KCNH1: variants seen among roughly 807,000 people sequenced by gnomAD.
The protein encoded by KCNH1 is potassium voltage-gated channel subfamily H member 1.
KCNH1 carries 27 observed loss-of-function variants against 69.2 expected under a neutral mutation model. The ratio of observed to expected loss-of-function variants is 0.39; its 90% CI spans 0.29 to 0.54. The LOEUF is 0.54. Among genes scored for constraint, KCNH1 ranks in the 20% least tolerant of loss-of-function variants. The pLI is 0.68. For synonymous variants in KCNH1, 456 were observed against 487.7 expected (o/e 0.93, Z 0.86); for missense variants, 798 against 1,261.6 (o/e 0.63, Z 5.57).
chr1:210,792,941 C>G (rs984962459), intron 9 of KCNH1, among the ~76,000 whole-genome samples: 2 of 152,140 alleles, frequency 1.3e-5, no homozygotes, highest in Non-Finnish European at 2.9e-5. Context: ...ACCAAGATAA[C>G]TACTTATATG....
At chr1:211,042,470 C>A in intron 5 of KCNH1, among the ~76,000 whole-genome samples, 1 of 152,230 alleles carries the variant, frequency 6.6e-6, no homozygotes, top group East Asian at 1.9e-4. Flanking sequence ...ATTTATAAAA[C>A]AATTAGTACT....
chr1:210,999,694 T>C (rs1467099651), intron 6 of KCNH1, among the ~76,000 whole-genome samples: 5 of 152,172 alleles, frequency 3.3e-5, no homozygotes, highest in African/African-American at 1.2e-4. Flanking sequence ...TACCAAAGCC[T>C]GGCAGAGACA....
chr1:211,078,389 T>C (rs1690777109), intron 5 of KCNH1, among the ~76,000 whole-genome samples: 1 of 152,118 alleles, frequency 6.6e-6, no homozygotes, highest in Non-Finnish European at 1.5e-5. Context: ...CCTCAGCAAA[T>C]GTAAAGAACA....
intron 6 of KCNH1, among the ~76,000 whole-genome samples, chr1:210,996,130 G>C (rs1689030496): frequency 6.6e-6 from 1 of 152,178 alleles, no homozygotes; most frequent in Non-Finnish European, 1.5e-5. Context: ...GTGCCAGACA[G>C]TGGGTGCAGA....
At chr1:210,756,945 A>G (rs1276350961) in intron 10 of KCNH1, among the ~76,000 whole-genome samples, 1 of 152,218 alleles carries the variant, frequency 6.6e-6, no homozygotes, top group East Asian at 1.9e-4. Flanking sequence ...CTCTCTTCCT[A>G]GGTTCTTACT....
chr1:210,714,316 T>G (rs1245069700), intron 10 of KCNH1, among the ~76,000 whole-genome samples: 1 of 152,194 alleles, frequency 6.6e-6, no homozygotes, highest in African/African-American at 2.4e-5. Context: ...AAAACATCAA[T>G]GTTTCGAGGT....
intron 9 of KCNH1, among the ~76,000 whole-genome samples, chr1:210,788,685 CTTTTTTTTTTT>C (rs139485350): frequency 1.4e-4 from 11 of 80,712 alleles, no homozygotes; most frequent in African/African-American, 4.0e-4. Context: ...TAGCTTCTTT[CTTTTTTTTTTT>C]TTTTTTTTTT....
intron 10 of KCNH1, among the ~76,000 whole-genome samples, chr1:210,772,734 A>G (rs1683776348): frequency 6.6e-6 from 1 of 152,170 alleles, no homozygotes. Context: ...CAAATTTGAT[A>G]CACTCAAAGC....
intron 8 of KCNH1, among the ~76,000 whole-genome samples, chr1:210,800,450 C>T (rs1684405460): frequency 6.6e-6 from 1 of 152,162 alleles, no homozygotes; most frequent in Non-Finnish European, 1.5e-5. Context: ...TTACTCTTCC[C>T]CTGGAAGAGG....
At chr1:210,847,966 G>A (rs1341998759) in intron 7 of KCNH1, among the ~76,000 whole-genome samples, 1 of 152,104 alleles carries the variant, frequency 6.6e-6, no homozygotes, top group Non-Finnish European at 1.5e-5. Context: ...ATCCTGGAAG[G>A]CAACTGTCGT....
At chr1:211,002,324 ATATG>A (rs1454816720) in intron 6 of KCNH1, among the ~76,000 whole-genome samples, 9 of 107,286 alleles carry the variant, frequency 8.4e-5, no homozygotes, top group South Asian at 2.8e-4. Flanking sequence ...GTGTATATAT[ATATG>A]TGTGTGTGTG....
chr1:210,806,830 A>AT (rs1684583203), intron 7 of KCNH1, among the ~76,000 whole-genome samples: 2 of 56,012 alleles, frequency 3.6e-5, no homozygotes, highest in Non-Finnish European at 7.7e-5. Flanking sequence ...AAAAAAAAAA[A>AT]AAAAAAATAT....
intron 6 of KCNH1, among the ~76,000 whole-genome samples, chr1:210,925,194 C>T (rs1052239492): frequency 6.6e-6 from 1 of 152,140 alleles, no homozygotes; most frequent in Admixed American, 6.5e-5. Context: ...AAAAGGAATT[C>T]AAAACAACGC....
At chr1:210,819,343 G>A (rs985221719) in intron 7 of KCNH1, among the ~76,000 whole-genome samples, 1 of 152,050 alleles carries the variant, frequency 6.6e-6, no homozygotes, top group Admixed American at 6.6e-5. Context: ...AGAAAAAGGT[G>A]ATTTTAAGCC....
intron 7 of KCNH1, among the ~76,000 whole-genome samples, chr1:210,822,722 C>T (rs1487690046): frequency 6.6e-6 from 1 of 152,144 alleles, no homozygotes; most frequent in African/African-American, 2.4e-5. Context: ...CATAAAAACT[C>T]TCATCTGCCC....
chr1:210,758,091 A>T (rs1187913677), intron 10 of KCNH1, among the ~76,000 whole-genome samples: 1 of 151,914 alleles, frequency 6.6e-6, no homozygotes, highest in Non-Finnish European at 1.5e-5. Flanking sequence ...AGAAGACCAC[A>T]CTCCCCACAG....
intron 2 of KCNH1, among the ~76,000 whole-genome samples, chr1:211,104,619 G>C (rs1353794423): frequency 4.6e-5 from 7 of 152,134 alleles, no homozygotes; most frequent in African/African-American, 1.7e-4. Flanking sequence ...CAAAATGCCA[G>C]AGGAGGGGGA....
intron 4 of KCNH1, among the ~76,000 whole-genome samples, chr1:211,086,509 G>C (rs957444798): frequency 1.8e-4 from 27 of 152,118 alleles, no homozygotes; most frequent in Non-Finnish European, 4.4e-5. Context: ...AAAATGAGAG[G>C]GGAAGTGGGC....
intron 10 of KCNH1, among the ~76,000 whole-genome samples, chr1:210,773,517 G>A (rs1683793609): frequency 6.6e-6 from 1 of 152,218 alleles, no homozygotes; most frequent in Non-Finnish European, 1.5e-5. Context: ...GAGGAATATT[G>A]CTGGGGTAGC....
Sources: gnomAD v4.1 joint callset for allele counts (sites outside exome capture counted in the v4.1 genomes callset) on GRCh38, gnomAD v4.1.1 for gene constraint, MANE v1.5 for transcripts, NCBI Gene and HGNC (gene_info 2026-07-23, HGNC 2026-07-21) for gene names.